Variants in DAB1 observed in about 807,000 individuals in gnomAD.
The protein encoded by DAB1 is DAB adaptor protein 1, also known as disabled homolog 1.
Under a neutral mutation model 64.6 loss-of-function variants are expected in DAB1, and 15 were observed. The observed-to-expected ratio is 0.23, with a 90% confidence interval of 0.16 to 0.36. The LOEUF is 0.36. Ranked by LOEUF, DAB1 falls within the 10% of genes least tolerant of loss-of-function variation. The probability of loss-of-function intolerance (pLI) is 1.00; values close to 1 mark genes in which losing one functional copy is unlikely to be tolerated. For synonymous variants in DAB1, 235 were observed against 251.9 expected (o/e 0.93, Z 0.64); for missense variants, 596 against 706.7 (o/e 0.84, Z 1.78).
chr1:57,731,341 T>G (rs1158432693), intron 6 of DAB1, among the ~76,000 whole-genome samples: 1 of 152,172 alleles, frequency 6.6e-6, no homozygotes, highest in Non-Finnish European at 1.5e-5. Context: ...GAATTATTGT[T>G]TAATGAGTAC....
intron 5 of DAB1, among the ~76,000 whole-genome samples, chr1:58,133,475 T>C (rs570584344): frequency 6.6e-6 from 1 of 152,348 alleles, no homozygotes; most frequent in East Asian, 1.9e-4. Flanking sequence ...AGTCATTTGC[T>C]TAACTGTCTG....
intron 7 of DAB1, among the ~76,000 whole-genome samples, chr1:57,498,831 G>C (rs1424260312): frequency 6.6e-6 from 1 of 152,216 alleles, no homozygotes; most frequent in African/African-American, 2.4e-5. Flanking sequence ...AGCATGTTTA[G>C]TTGATGACAG....
intron 7 of DAB1, among the ~76,000 whole-genome samples, chr1:57,558,956 A>C (rs1006696052): frequency 6.6e-6 from 1 of 152,188 alleles, no homozygotes; most frequent in Non-Finnish European, 1.5e-5. Flanking sequence ...GGATCTTTGA[A>C]GAGCCCTGTA....
intron 2 of DAB1, among the ~76,000 whole-genome samples, chr1:57,157,224 G>A (rs78423916): frequency 0.018 from 2,750 of 151,774 alleles, 72 homozygotes; most frequent in African/African-American, 0.064. Context: ...TTCCTAATGT[G>A]GTCATTCTGG....
At chr1:57,266,760 A>G (rs563923658) in intron 2 of DAB1, among the ~76,000 whole-genome samples, 12 of 152,358 alleles carry the variant, frequency 7.9e-5, no homozygotes, top group African/African-American at 2.9e-4. Flanking sequence ...AGAAATGATG[A>G]GCAATATGTA....
intron 3 of DAB1, among the ~76,000 whole-genome samples, chr1:58,383,343 T>C (rs914808573): frequency 6.6e-6 from 1 of 152,192 alleles, no homozygotes; most frequent in Non-Finnish European, 1.5e-5. Context: ...AAGTTCTATG[T>C]GCCCCCAAAT....
At chr1:57,061,229 G>T (rs1344157805) in intron 9 of DAB1, among the ~76,000 whole-genome samples, 7 of 10,804 alleles carry the variant, frequency 6.5e-4, no homozygotes, top group African/African-American at 2.1e-3. Flanking sequence ...ATATTTAGAT[G>T]GGGGGGGGGG....
At chr1:57,903,012 C>T (rs78091015) in intron 5 of DAB1, among the ~76,000 whole-genome samples, 19 of 152,064 alleles carry the variant, frequency 1.2e-4, no homozygotes, top group South Asian at 2.1e-4. Context: ...AAGCAAAGGC[C>T]CATCTTCCAT....
intron 5 of DAB1, among the ~76,000 whole-genome samples, chr1:58,018,067 C>G (rs572940810): frequency 6.6e-6 from 1 of 151,352 alleles, no homozygotes. Context: ...ACTTTCTGAT[C>G]ATGATGCTTG....
At chr1:57,997,169 TA>T (rs1646438577) in intron 5 of DAB1, among the ~76,000 whole-genome samples, 1 of 152,124 alleles carries the variant, frequency 6.6e-6, no homozygotes, top group African/African-American at 2.4e-5. Context: ...GCATGTTCAC[TA>T]AGAGGTAAAA....
chr1:57,200,901 T>C (rs1032897593), intron 2 of DAB1, among the ~76,000 whole-genome samples: 1 of 152,222 alleles, frequency 6.6e-6, no homozygotes, highest in Non-Finnish European at 1.5e-5. Context: ...TAGTTTTTCT[T>C]AGCATCTCAA....
intron 4 of DAB1, among the ~76,000 whole-genome samples, chr1:57,121,820 G>A (rs1656694106): frequency 6.6e-6 from 1 of 151,956 alleles, no homozygotes; most frequent in Non-Finnish European, 1.5e-5. Context: ...TAGAGGACGG[G>A]TTAGTAGGTG....
intron 5 of DAB1, among the ~76,000 whole-genome samples, chr1:58,126,788 C>T (rs374356107): frequency 1.5e-4 from 22 of 151,460 alleles, no homozygotes; most frequent in African/African-American, 4.4e-4. Context: ...GGACATGAAC[C>T]CATCATTTTT....
At chr1:58,453,163 A>T (rs1645156937) in intron 3 of DAB1, among the ~76,000 whole-genome samples, 1 of 152,058 alleles carries the variant, frequency 6.6e-6, no homozygotes, top group Admixed American at 6.5e-5. Flanking sequence ...CATTTATATG[A>T]CCTTCCGGAA....
In DAB1 at chr1:57,412,814, T is replaced by C. The variant is rs373427529; in HGVS notation, c.-137+11116A>G. Among the ~76,000 whole-genome samples, 79 of 152,334 alleles carry C rather than the reference T, an allele frequency of 5.2e-4. 1 individual carries two copies. In the South Asian group the frequency reaches 8.9e-3, roughly 17 times the overall value. ...CAAGGTGAAGCAGTAAGTGCTGATA[T>C]AGAAGCTACAACAAGTTATCCTGAA... On this transcript the variant is annotated intron_variant, in intron 1 of 14. Transcript: ENST00000371236.
chr1:57,476,690 C>T (rs1033311234), intron 7 of DAB1, among the ~76,000 whole-genome samples: 2 of 152,204 alleles, frequency 1.3e-5, no homozygotes, highest in African/African-American at 4.8e-5. Context: ...TTACAGATAA[C>T]ACAACTTAGT....
chr1:58,223,657 G>T (rs1034460642), intron 4 of DAB1, among the ~76,000 whole-genome samples: 3 of 152,136 alleles, frequency 2.0e-5, no homozygotes, highest in African/African-American at 7.2e-5. Flanking sequence ...TTATTGCTCT[G>T]CAAGAGGAGG....
intron 2 of DAB1, among the ~76,000 whole-genome samples, chr1:57,255,511 T>C (rs957238506): frequency 6.6e-6 from 1 of 151,784 alleles, no homozygotes; most frequent in African/African-American, 2.4e-5. Flanking sequence ...TACAAAAAAA[T>C]TAGCTGGATG....
At chr1:58,334,369 T>C (rs1258293374) in intron 4 of DAB1, among the ~76,000 whole-genome samples, 2 of 152,092 alleles carry the variant, frequency 1.3e-5, no homozygotes, top group East Asian at 1.9e-4. Flanking sequence ...AAGAAATAAA[T>C]ATTTGTTGTC....
Sources: gnomAD v4.1 joint callset for allele counts (sites outside exome capture counted in the v4.1 genomes callset) on GRCh38, gnomAD v4.1.1 for gene constraint, MANE v1.5 for transcripts, NCBI Gene and HGNC (gene_info 2026-07-23, HGNC 2026-07-21) for gene names.